The following TMEM184C variants were observed in gnomAD, a reference collection of about 807,000 sequenced individuals.
TMEM184C encodes the protein transmembrane protein 34.
In TMEM184C, 25 loss-of-function variants were observed where a neutral mutation model predicts 54.5. That is an observed-to-expected ratio of 0.46 (90% CI 0.33 to 0.64). TMEM184C has a LOEUF of 0.64. Among genes scored for constraint, TMEM184C ranks in the 30% least tolerant of loss-of-function variants. TMEM184C has a pLI of 0.02. For missense variants in TMEM184C, 335 were observed against 520.3 expected, an observed-to-expected ratio of 0.64 and a Z score of 3.46; for synonymous variants, 148 against 181.5, an observed-to-expected ratio of 0.82 and a Z score of 1.49.
rs916679821 is a variant in TMEM184C at position 147,635,565 on chromosome 4, G to A, written c.*1131G>A. 3 of 152,176 alleles carry A rather than the reference G, an allele frequency of 2.0e-5. No individual in the cohort carries two copies. Among genetic ancestry groups the A allele is most frequent in the African/African-American group, 4.8e-5 (2 of 41,454 alleles). The allele number at this position is 152,176 out of a possible 1,614,324, so 9.4% of individuals were successfully genotyped here. ...ATAGTATGTTACAGAAAGCAAAGAT[G>A]AGTATTGTTTCTCAAAGCCTTTGCT... is the stretch of plus-strand genomic sequence containing the variant. On this transcript the variant is annotated 3_prime_UTR_variant, in exon 10 of 10. Transcript: ENST00000296582.
chr4:147,625,741 T>C (rs932581726), intron 4 of TMEM184C, among the ~76,000 whole-genome samples: 21 of 152,126 alleles, frequency 1.4e-4, no homozygotes, highest in African/African-American at 4.6e-4. Context: ...GAAAAATCAA[T>C]AGGACATGTC....
At chr4:147,620,186 C>T (rs527663743) in intron 1 of TMEM184C, among the ~76,000 whole-genome samples, 2 of 152,306 alleles carry the variant, frequency 1.3e-5, no homozygotes, top group East Asian at 3.9e-4. Flanking sequence ...CTTCCCCCCA[C>T]CCCAACTCTT....
chr4:147,629,707 C>A lies in TMEM184C; in HGVS notation c.666+15C>A. 1 of 1,540,998 alleles carries A rather than the reference C, an allele frequency of 6.5e-7. No homozygotes were observed. Among genetic ancestry groups the A allele is most frequent in the South Asian group, 1.3e-5 (1 of 77,630 alleles). On this transcript the variant is annotated intron_variant, in intron 6 of 9. Coordinates refer to ENST00000296582, the MANE Select transcript of TMEM184C (RefSeq NM_018241.3). ...TGTCACAGTTGGTAAGTAAAATGTTCACTTTTCTTAAACTGTACTAAATTC... is the reference window on the plus strand; with the variant it reads ...TGTCACAGTTGGTAAGTAAAATGTTAACTTTTCTTAAACTGTACTAAATTC...
intron 5 of TMEM184C, among the ~76,000 whole-genome samples, chr4:147,628,648 C>A (rs1420360910): frequency 6.6e-6 from 1 of 152,082 alleles, no homozygotes; most frequent in Non-Finnish European, 1.5e-5. Context: ...TAAATATTCA[C>A]ATCCTCTCCA....
intron 4 of TMEM184C, 61 bp downstream of exon 4, chr4:147,625,070 G>A: frequency 7.9e-6 from 12 of 1,518,672 alleles, no homozygotes; most frequent in Non-Finnish European, 1.1e-5. Context: ...GAGTTTTTAA[G>A]TAGCAATCAG....
Position 147,623,834 on chromosome 4 carries a change from G to T in TMEM184C, c.124G>T (p.Val42Phe), listed in dbSNP as rs780821296. 6.2e-7 allele frequency: 1 copy of T among 1,613,356 alleles called. No individual in the cohort carries two copies. The highest frequency in any genetic ancestry group is 1.1e-5 in the South Asian group (1 of 90,980). The part of the protein sequence containing the change: ...LCVWELQKLE[V>F]GIHTKAWFIA... ...TTAACATGTTATTTTGTTTCTTAAG[G>T]TTGGAATACACACCAAGGCTTGGTT... Residue 42 changes from valine (V) to phenylalanine (F), a missense_variant and splice_region_variant, in exon 2 of 10, where the codon GTT (valine) becomes TTT (phenylalanine). Transcript: ENST00000296582.
chr4:147,633,866 T>C lies in TMEM184C; in HGVS notation c.981T>C (p.Phe327=). 1 of 1,614,010 alleles carries C rather than the reference T, an allele frequency of 6.2e-7. No individual in the cohort carries two copies. Among genetic ancestry groups the C allele is most frequent in the Non-Finnish European group, 8.5e-7 (1 of 1,179,988 alleles). ...AAGAAGCAGAAGAGGGCTCATGCTT[T>C]GATTCCTTTCTTGCCATGTGGGATG... ...YVQEAEEGSC[F]DSFLAMWDVS... is the part of the protein sequence containing the mutation. The change falls in exon 9 of 10, where the codon TTT becomes TTC. Residue 327 remains phenylalanine (F), a synonymous_variant. Coordinates refer to ENST00000296582, the MANE Select transcript of TMEM184C (RefSeq NM_018241.3).
Position 147,618,014 on chromosome 4 carries a change from G to T in TMEM184C, c.58G>T (p.Val20Phe). 1 of 1,614,158 alleles carries T rather than the reference G, an allele frequency of 6.2e-7. No homozygotes were observed. Among genetic ancestry groups the T allele is most frequent in the Non-Finnish European group, 8.5e-7 (1 of 1,180,006 alleles). The change falls in exon 1 of 10, where the codon GTC becomes TTC. Residue 20 changes from valine (V) to phenylalanine (F), a missense_variant. Physicochemically the swap from Val to Phe is conservative, Grantham distance 50. Transcript: ENST00000296582. ...ACAGTGGATTCGACCTTTAGTAGCG[G>T]TCATCTACCTGGTGTCAATAGTGGT... is the stretch of plus-strand genomic sequence containing the variant. ...WRQWIRPLVA[V>F]IYLVSIVVAV...
rs1294631505 is a variant in TMEM184C at position 147,636,710 on chromosome 4, T to C, written c.*2276T>C. 1 of 152,046 alleles carries C rather than the reference T, an allele frequency of 6.6e-6. No homozygotes were observed. Among genetic ancestry groups the C allele is most frequent in the African/African-American group, 2.4e-5 (1 of 41,404 alleles). The allele number at this position is 152,046 out of a possible 1,614,324, so 9.4% of individuals were successfully genotyped here. A position where few individuals can be genotyped will look rare whatever the true frequency, so the allele number is the denominator to read the frequency against. On this transcript the variant is annotated 3_prime_UTR_variant, in exon 10 of 10. Transcript: ENST00000296582. Reference sequence around the variant, plus strand: ...CTACAGATTGAGTAAAAAATATTTGTAAGGCATATATATGGAAAAGGGTTA... The same window carrying C: ...CTACAGATTGAGTAAAAAATATTTGCAAGGCATATATATGGAAAAGGGTTA...
intron 5 of TMEM184C, among the ~76,000 whole-genome samples, 154 bp from the exon 6 acceptor site, chr4:147,629,445 A>C (rs1428976789): frequency 6.6e-6 from 1 of 152,082 alleles, no homozygotes; most frequent in Non-Finnish European, 1.5e-5. Context: ...TGGATCTCTC[A>C]AATAAACTGA....
intron 1 of TMEM184C, among the ~76,000 whole-genome samples, chr4:147,623,454 AAAG>A (rs1732751018): frequency 6.6e-6 from 1 of 151,942 alleles, no homozygotes; most frequent in South Asian, 2.1e-4. Flanking sequence ...AAGAAAAAGA[AAAG>A]AAACAGTGAT....
At chr4:147,631,105 T>G (rs1321834152) in intron 6 of TMEM184C, among the ~76,000 whole-genome samples, 1 of 152,140 alleles carries the variant, frequency 6.6e-6, no homozygotes. Context: ...TTTTTTTATT[T>G]TGGCTGAACA....
At chr4:147,632,191 A>T (rs1337132267) in intron 7 of TMEM184C, among the ~76,000 whole-genome samples, 1 of 137,686 alleles carries the variant, frequency 7.3e-6, no homozygotes, top group African/African-American at 2.6e-5. Flanking sequence ...AAAAAAAAAG[A>T]ATTTAGTAAA....
chr4:147,627,589 G>A (rs1732837877), intron 4 of TMEM184C, among the ~76,000 whole-genome samples: 1 of 152,190 alleles, frequency 6.6e-6, no homozygotes, highest in African/African-American at 2.4e-5. Flanking sequence ...GACTAGCCTG[G>A]GCAACACAGT....
Position 147,625,008 on chromosome 4 carries a change from GAGTA to G in TMEM184C, c.497+4_497+7del. ...TTGCTGTCCACCATGGGCTATGGGA[GAGTA>G]AGTATGTTTGGTTTAATTCTTTTAT... On this transcript the variant is annotated splice_donor_variant and splice_donor_region_variant and coding_sequence_variant and intron_variant, in exon 4 of 10. Transcript: ENST00000296582. LOFTEE classifies it high-confidence loss of function. 1 of 1,613,240 alleles carries G rather than the reference GAGTA, an allele frequency of 6.2e-7. No individual in the cohort carries two copies. The highest frequency in any genetic ancestry group is 8.5e-7 in the Non-Finnish European group (1 of 1,179,616).
At position 147,634,548 on chromosome 4, in the gene TMEM184C, C is replaced by A; in HGVS notation, c.*114C>A. ...ATGGAAAATGTCAACACAAAAATAG[C>A]TGAAAGCCAGGTACAACTACTGCAT... On this transcript the variant is annotated 3_prime_UTR_variant, in exon 10 of 10. Transcript: ENST00000296582. 8.0e-7 allele frequency: 1 copy of A among 1,257,260 alleles called. No homozygotes were observed. The highest frequency in any genetic ancestry group is 1.1e-6 in the Non-Finnish European group (1 of 914,340). The allele number at this position is 1,257,260 out of a possible 1,614,324, so 77.9% of individuals were successfully genotyped here. A position where few individuals can be genotyped will look rare whatever the true frequency, so the allele number is the denominator to read the frequency against.
chr4:147,634,191 C>T lies in TMEM184C; in HGVS notation c.1074C>T (p.Pro358=), dbSNP rs1732968977. ...AAGGACGGACAGTCAGGGGACATCC[C>T]AGGAAAAAATTGTTTCCCGAGGATC... is the stretch of plus-strand genomic sequence containing the variant. ...RHVGRTVRGH[P]RKKLFPEDQD... The change falls in exon 10 of 10, where the codon CCC becomes CCT. Residue 358 remains proline (P), a synonymous_variant. Transcript: ENST00000296582. 6.2e-7 allele frequency: 1 copy of T among 1,613,664 alleles called. No individual in the cohort carries two copies. The highest frequency in any genetic ancestry group is 8.5e-7 in the Non-Finnish European group (1 of 1,179,816).
intron 5 of TMEM184C, among the ~76,000 whole-genome samples, chr4:147,628,976 T>TA (rs927997477): frequency 3.9e-5 from 6 of 152,322 alleles, no homozygotes; most frequent in African/African-American, 1.4e-4. Flanking sequence ...TCCTAGTTGT[T>TA]ACTAACATTT....
intron 1 of TMEM184C, among the ~76,000 whole-genome samples, chr4:147,618,707 AAC>A (rs1168915158): frequency 1.3e-5 from 2 of 152,366 alleles, no homozygotes; most frequent in East Asian, 3.9e-4. Flanking sequence ...TTTACAGAGG[AAC>A]ACCTATTACA....
Sources: gnomAD v4.1 joint callset for allele counts (sites outside exome capture counted in the v4.1 genomes callset) on GRCh38, gnomAD v4.1.1 for gene constraint, MANE v1.5 for transcripts, NCBI Gene and HGNC (gene_info 2026-07-23, HGNC 2026-07-21) for gene names.